FRZB: variants seen among roughly 807,000 people sequenced by gnomAD.
The protein encoded by FRZB is frizzled related protein.
Under a neutral mutation model 32.5 loss-of-function variants are expected in FRZB, and 34 were observed. That is an observed-to-expected ratio of 1.05 (90% CI 0.80 to 1.39). The LOEUF (loss-of-function observed/expected upper bound fraction) is 1.39, where lower values mean the gene tolerates loss of function less well. FRZB is among the 40% of genes most tolerant of loss of function. The pLI is 0.00. For synonymous variants in FRZB, 170 were observed against 159.2 expected, an observed-to-expected ratio of 1.07 and a Z score of -0.51; for missense variants, 423 against 424.8, an observed-to-expected ratio of 1.00 and a Z score of 0.04.
intron 5 of FRZB, among the ~76,000 whole-genome samples, chr2:182,836,551 G>T (rs1332934873): frequency 6.6e-6 from 1 of 152,014 alleles, no homozygotes; most frequent in Non-Finnish European, 1.5e-5. Flanking sequence ...TGGGAAACAG[G>T]ACAAACAAGC....
intron 5 of FRZB, among the ~76,000 whole-genome samples, chr2:182,835,469 T>C (rs1381300350): frequency 6.6e-6 from 1 of 152,070 alleles, no homozygotes; most frequent in Non-Finnish European, 1.5e-5. Context: ...AAAAATATTT[T>C]TCTAAGTAAT....
At chr2:182,845,035 A>C (rs1352454299) in intron 2 of FRZB, among the ~76,000 whole-genome samples, 1 of 152,200 alleles carries the variant, frequency 6.6e-6, no homozygotes, top group African/African-American at 2.4e-5. Context: ...GGAGAAGCTG[A>C]GTTTATATCC....
At chr2:182,853,817 G>T (rs3098357) in intron 2 of FRZB, among the ~76,000 whole-genome samples, 1 of 152,152 alleles carries the variant, frequency 6.6e-6, no homozygotes, top group Non-Finnish European at 1.5e-5. Flanking sequence ...CAAAATACTA[G>T]AGGAAAGTGA....
Position 182,855,085 on chromosome 2 carries a change from G to A in FRZB, c.526+3701C>T, listed in dbSNP as rs370070474. Among the ~76,000 whole-genome samples the A allele has an allele frequency of 3.9e-5, 6 of 152,124 alleles. No homozygotes were observed. In the East Asian group the frequency reaches 5.8e-4, roughly 15 times the overall value. ...GTGGGATAGATATGGAAGGTACTTC[G>A]AAGGCTTTGGAAATGGAACTGACAT... On this transcript the variant is annotated intron_variant, in intron 2 of 5. Transcript: ENST00000295113.
chr2:182,836,475 A>C (rs1308315934), intron 5 of FRZB, among the ~76,000 whole-genome samples: 1 of 152,058 alleles, frequency 6.6e-6, no homozygotes, highest in Non-Finnish European at 1.5e-5. Context: ...GAGAATATAA[A>C]TGACTTTACA....
In FRZB at chr2:182,866,494, G is replaced by A; in HGVS notation, c.59C>T (p.Ala20Val). 2 of 1,528,312 alleles carry A rather than the reference G, an allele frequency of 1.3e-6. No homozygotes were observed. The highest frequency in any genetic ancestry group is 1.3e-5 in the South Asian group (1 of 79,908). The allele number at this position is 1,528,312 out of a possible 1,614,324, so 94.7% of individuals were successfully genotyped here. A position where few individuals can be genotyped will look rare whatever the true frequency, so the allele number is the denominator to read the frequency against. Residue 20 changes from alanine to valine, a missense_variant, in exon 1 of 6, where the codon GCT becomes GTT. Coordinates refer to ENST00000295113, the MANE Select transcript of FRZB (RefSeq NM_001463.4). The surrounding 1 kb of genome is among the most constrained non-coding windows in gnomAD (Gnocchi z 4.5). ...LLLRAGLLAL[A>V]ALCLLRVPGA... is the part of the protein sequence containing the mutation. ...GGGCACCCGGAGCAGGCAGAGAGCA[G>A]CCAGGGCAAGCAGCCCGGCCCGCAG...
Position 182,837,972 on chromosome 2 carries a change from C to T in FRZB, c.837G>A (p.Lys279=). The part of the protein sequence containing the change: ...LVEGSIAEKW[K]DRLGKKVKRW... The stretch of plus-strand genomic sequence containing the variant: ...CCTTAACTTTTTTACCGAGTCGATC[C>T]TTCCACTTCTCAGCTATAGAGCCTT... Residue 279 remains lysine, a synonymous_variant, in exon 5 of 6, where the codon AAG becomes AAA. Transcript: ENST00000295113. The T allele has an allele frequency of 6.2e-7, 1 of 1,611,668 alleles. No individual in the cohort carries two copies. The highest frequency in any genetic ancestry group is 8.5e-7 in the Non-Finnish European group (1 of 1,178,662).
At chr2:182,861,822 G>T (rs1695834336) in intron 1 of FRZB, among the ~76,000 whole-genome samples, 1 of 152,154 alleles carries the variant, frequency 6.6e-6, no homozygotes, top group African/African-American at 2.4e-5. Context: ...TAGTGGGAAT[G>T]AGATAAAAAG....
chr2:182,855,347 C>T (rs938876178), intron 2 of FRZB, among the ~76,000 whole-genome samples: 3 of 152,138 alleles, frequency 2.0e-5, no homozygotes, highest in Admixed American at 6.5e-5. Context: ...TTAGGTGACA[C>T]AGATGACTTT....
intron 1 of FRZB, among the ~76,000 whole-genome samples, chr2:182,864,977 G>A (rs1695874661): frequency 6.6e-6 from 1 of 152,198 alleles, no homozygotes; most frequent in Non-Finnish European, 1.5e-5. Flanking sequence ...GTTGGTAGAA[G>A]TAATACTGAG....
intron 2 of FRZB, among the ~76,000 whole-genome samples, chr2:182,852,601 C>T (rs989236285): frequency 1.3e-5 from 2 of 152,058 alleles, no homozygotes; most frequent in Non-Finnish European, 2.9e-5. Flanking sequence ...ATTGGTCACC[C>T]TCACAAAGCA....
intron 2 of FRZB, among the ~76,000 whole-genome samples, chr2:182,856,980 G>A (rs10931045): frequency 0.45 from 68,817 of 151,658 alleles, 17,057 homozygotes; most frequent in Non-Finnish European, 0.55. Flanking sequence ...ACATTTAAAG[G>A]ACATTCCACC....
At position 182,842,554 on chromosome 2, in the gene FRZB, C is replaced by T. The variant is rs771926292; in HGVS notation, c.527-11G>A. 2 of 1,602,582 alleles carry T rather than the reference C, an allele frequency of 1.2e-6. No individual in the cohort carries two copies. The highest frequency in any genetic ancestry group is 2.2e-5 in the South Asian group (2 of 90,564). ...TACATTTACAGCGTTCTGAAAAACA[C>T]ATTTTAGTTATAAGCACATTTCCAA... On this transcript the variant is annotated splice_polypyrimidine_tract_variant and intron_variant, in intron 2 of 5. Coordinates refer to ENST00000295113, the MANE Select transcript of FRZB (RefSeq NM_001463.4).
chr2:182,857,923 A>G lies in FRZB; in HGVS notation c.526+863T>C, dbSNP rs540126517. Among the ~76,000 whole-genome samples the G allele has an allele frequency of 3.9e-5, 6 of 152,318 alleles. No homozygotes were observed. In the South Asian group the frequency reaches 1.2e-3, roughly 32 times the overall value. On this transcript the variant is annotated intron_variant, in intron 2 of 5. Transcript: ENST00000295113. ...GAAAATGTATTCAGCATCATTAGCC[A>G]TTAGGGAAATGCAATTTAAAACCAT...
chr2:182,835,972 A>G (rs1695520669), intron 5 of FRZB, among the ~76,000 whole-genome samples: 1 of 152,168 alleles, frequency 6.6e-6, no homozygotes, highest in African/African-American at 2.4e-5. Flanking sequence ...GAATCTACTT[A>G]TAAGTAGATA....
intron 3 of FRZB, among the ~76,000 whole-genome samples, chr2:182,838,966 A>C (rs373508829): frequency 2.0e-5 from 3 of 152,246 alleles, no homozygotes; most frequent in East Asian, 3.9e-4. Flanking sequence ...ATGTGTATAT[A>C]TGCATGTGCA....
chr2:182,858,682 A>C, intron 2 of FRZB, 104 bp downstream of exon 2: 1 of 748,504 alleles, frequency 1.3e-6, no homozygotes, highest in Non-Finnish European at 2.2e-6. Flanking sequence ...GTTTACTTGT[A>C]AAATGTAGGG....
intron 1 of FRZB, among the ~76,000 whole-genome samples, chr2:182,859,692 T>A (rs1695808839): frequency 6.6e-6 from 1 of 152,270 alleles, no homozygotes; most frequent in South Asian, 2.1e-4. Context: ...CAGGAATAAA[T>A]TAAACAAGGG....
In FRZB at chr2:182,854,205, A is replaced by G. The variant is rs144270179; in HGVS notation, c.526+4581T>C. 2.4e-3 allele frequency among the ~76,000 whole-genome samples: 366 copies of G among 152,266 alleles called. 2 individuals carry two copies. The highest frequency in any genetic ancestry group is 8.6e-3 in the African/African-American group (356 of 41,538). On this transcript the variant is annotated intron_variant, in intron 2 of 5. Coordinates refer to ENST00000295113, the MANE Select transcript of FRZB (RefSeq NM_001463.4). ...GTAATGTTACATATCTTGGTTGCAG[A>G]GAGTGGTTACTTTGTGAAAATGCAC...
Sources: gnomAD v4.1 joint callset for allele counts (sites outside exome capture counted in the v4.1 genomes callset) on GRCh38, gnomAD v4.1.1 for gene constraint, Gnocchi (gnomAD v3.1) non-coding constraint, MANE v1.5 for transcripts, NCBI Gene and HGNC (gene_info 2026-07-23, HGNC 2026-07-21) for gene names.